Variants in SHPRH observed in about 807,000 individuals in gnomAD.
The protein encoded by SHPRH is E3 ubiquitin-protein ligase SHPRH.
A neutral mutation model predicts 202.5 loss-of-function variants in SHPRH; 106 were observed. The observed-to-expected ratio is 0.52, with a 90% CI of 0.45 to 0.62. The LOEUF is 0.62. SHPRH is among the 20% of genes least tolerant of loss of function. SHPRH has a pLI of 0.00. For missense variants in SHPRH, 1,710 were observed against 2,020.0 expected, an observed-to-expected ratio of 0.85 and a Z score of 2.94; for synonymous variants, 729 against 686.0, an observed-to-expected ratio of 1.06 and a Z score of -0.98.
In SHPRH at chr6:145,867,261, G is replaced by C. The variant is rs368610149; in HGVS notation, c.222-2770C>G. ...CTCAAGGTTCACAGGAAGGCAACTT[G>C]CATTCATTAGATGAGTATCCAAATT... On this transcript the variant is annotated intron_variant, in intron 2 of 2. Coordinates refer to the SHPRH transcript ENST00000417762. Among the ~76,000 whole-genome samples the C allele has an allele frequency of 1.3e-4, 20 of 152,116 alleles. No homozygotes were observed. The South Asian group carries it at 3.9e-3, about 30-fold the overall frequency.
intron 25 of SHPRH, among the ~76,000 whole-genome samples, chr6:145,898,246 T>G (rs1416846882): frequency 2.0e-5 from 3 of 152,046 alleles, no homozygotes; most frequent in African/African-American, 7.2e-5. Flanking sequence ...AAATATTTTA[T>G]AATGTCATAA....
chr6:145,954,211 A>C (rs1456664744), intron 2 of SHPRH, among the ~76,000 whole-genome samples: 2 of 152,062 alleles, frequency 1.3e-5, no homozygotes, highest in Non-Finnish European at 2.9e-5. Flanking sequence ...TGGAGAAAAT[A>C]AATCAATTTG....
chr6:145,905,768 G>C (rs2128729410), intron 25 of SHPRH: 1 of 152,072 alleles, frequency 6.6e-6, no homozygotes, highest in Middle Eastern at 3.4e-3. Flanking sequence ...AATGTATTCA[G>C]GGGATTCACA....
rs952932237 is a variant in SHPRH at position 145,884,964 on chromosome 6, G to T, written c.*1727C>A. On this transcript the variant is annotated 3_prime_UTR_variant, in exon 30 of 30. Transcript: ENST00000275233. ...TTTTCTCTAAAACATAGCTCAGAAA[G>T]GAATAGTAGAAAACAAACACAAAGA... The T allele has an allele frequency of 6.6e-6, 1 of 151,918 alleles. No individual in the cohort carries two copies. Among genetic ancestry groups the T allele is most frequent in the Non-Finnish European group, 1.5e-5 (1 of 67,954 alleles). 9.4% of individuals were successfully genotyped at this position (151,918 alleles called of 1,614,324 possible). A position where few individuals can be genotyped will look rare whatever the true frequency, so the allele number is the denominator to read the frequency against.
chr6:145,932,958 GAAAAATCCCC>G, intron 14 of SHPRH, 89 bp downstream of exon 14: 1 of 1,303,982 alleles, frequency 7.7e-7, no homozygotes, highest in Non-Finnish European at 1.0e-6. Flanking sequence ...CTTTTTGGGG[GAAAAATCCCC>G]CCCCCAAAAA....
chr6:145,955,303 C>T lies in SHPRH; in HGVS notation c.20G>A (p.Arg7His), dbSNP rs773082076. The T allele has an allele frequency of 4.1e-5, 65 of 1,597,290 alleles. No homozygotes were observed. Among genetic ancestry groups the T allele is most frequent in the Admixed American group, 6.7e-5 (4 of 59,646 alleles). Residue 7 changes from arginine to histidine, a missense_variant, in exon 2 of 30, where the codon CGT (arginine) becomes CAT (histidine). Arg to His is a conservative substitution (Grantham distance 29). Around this residue, in one of 8 missense-constraint regions of SHPRH, gnomAD observed 459 missense variants for 426.5 expected, o/e 1.08. Transcript: ENST00000275233. The stretch of plus-strand genomic sequence containing the variant: ...CTCATCTACCCTCACTGGAGGAGCA[C>T]GTTTCCGTCGGCTGCTCATTTTCAA... MSSRRK[R>H]APPVRVDEEK...
intron 2 of SHPRH, among the ~76,000 whole-genome samples, chr6:145,953,613 A>C (rs1021911578): frequency 6.6e-6 from 1 of 152,144 alleles, no homozygotes; most frequent in Non-Finnish European, 1.5e-5. Context: ...GATGCAAGAA[A>C]TATATGAGAC....
In SHPRH at chr6:145,954,919, T is replaced by C. The variant is rs1462650275; in HGVS notation, c.404A>G (p.Glu135Gly). 8 of 1,613,696 alleles carry C rather than the reference T, an allele frequency of 5.0e-6. No homozygotes were observed. Among genetic ancestry groups the C allele is most frequent in the Non-Finnish European group, 6.8e-6 (8 of 1,179,892 alleles). Residue 135 changes from glutamate to glycine, a missense_variant, in exon 2 of 30, where the codon GAA becomes GGA. Glu to Gly is a moderately conservative substitution (Grantham distance 98, BLOSUM62 -2). Around this residue, in one of 8 missense-constraint regions of SHPRH, gnomAD observed 459 missense variants for 426.5 expected, o/e 1.08. Transcript: ENST00000275233. ...PAQSLIENFS[E>G]RSITLMSSES... is the part of the protein sequence containing the mutation. ...TGAACTCATCAATGTAATACTCCTT[T>C]CGGAAAAATTTTCAATTAAACTCTG...
intron 1 of SHPRH, among the ~76,000 whole-genome samples, chr6:145,962,865 A>G (rs1789238227): frequency 6.6e-6 from 1 of 152,216 alleles, no homozygotes; most frequent in Non-Finnish European, 1.5e-5. Flanking sequence ...CAGCAAGGTG[A>G]GAGTATTTTC....
At chr6:145,889,671 T>G (rs1249886994) in intron 28 of SHPRH, among the ~76,000 whole-genome samples, 1 of 152,140 alleles carries the variant, frequency 6.6e-6, no homozygotes, top group African/African-American at 2.4e-5. Flanking sequence ...GGGGTTTCAT[T>G]CCTAAGATAT....
At chr6:145,934,821 T>C in intron 13 of SHPRH, 86 bp downstream of exon 13, 1 of 1,323,246 alleles carries the variant, frequency 7.6e-7, no homozygotes, top group Non-Finnish European at 1.0e-6. Context: ...ACAACTCAGT[T>C]ACATGTCTCT....
At chr6:145,957,247 T>A (rs1024740659) in intron 1 of SHPRH, among the ~76,000 whole-genome samples, 2 of 151,664 alleles carry the variant, frequency 1.3e-5, no homozygotes, top group African/African-American at 4.8e-5. Flanking sequence ...CTAAAACTTC[T>A]CAAAGAAAAC....
chr6:145,882,640 G>C (rs538362537), downstream of SHPRH, among the ~76,000 whole-genome samples: 9 of 152,274 alleles, frequency 5.9e-5, no homozygotes, highest in East Asian at 1.5e-3. Context: ...CTCAGTCAAT[G>C]GAAATTTTTA....
intron 14 of SHPRH, among the ~76,000 whole-genome samples, chr6:145,929,387 T>C (rs951832371): frequency 1.2e-4 from 18 of 152,054 alleles, no homozygotes; most frequent in Non-Finnish European, 1.9e-4. Flanking sequence ...TATGTATTAA[T>C]GTATCATACG....
rs964108139 is a variant in SHPRH, at chr6:145,885,029, C to G, written c.*1662G>C. The G allele has an allele frequency of 3.9e-5, 6 of 151,978 alleles. No individual in the cohort carries two copies. The highest frequency in any genetic ancestry group is 1.4e-4 in the African/African-American group (6 of 41,392). The allele number at this position is 151,978 out of a possible 1,614,324, so 9.4% of individuals were successfully genotyped here. ...CTCATTTTTAAATTATAAGCATGGG[C>G]CTTCTGAATCTCAGCATGACATGTT... is the stretch of plus-strand genomic sequence containing the variant. On this transcript the variant is annotated 3_prime_UTR_variant, in exon 30 of 30. Transcript: ENST00000275233.
intron 2 of SHPRH, among the ~76,000 whole-genome samples, chr6:145,870,762 T>C (rs1448719278): frequency 6.6e-6 from 1 of 152,228 alleles, no homozygotes; most frequent in African/African-American, 2.4e-5. Context: ...TTTCTCACCA[T>C]TAAATATGAT....
chr6:145,947,412 G>A, intron 6 of SHPRH, 81 bp downstream of exon 6: 1 of 1,468,150 alleles, frequency 6.8e-7, no homozygotes, highest in Non-Finnish European at 9.2e-7. Flanking sequence ...GTTGACTTAA[G>A]TGCCAAGCAA....
intron 1 of SHPRH, among the ~76,000 whole-genome samples, chr6:145,957,039 C>T (rs1788575229): frequency 1.3e-5 from 2 of 152,008 alleles, no homozygotes; most frequent in Non-Finnish European, 2.9e-5. Context: ...GGTGTAAAGA[C>T]CAACATATAG....
chr6:145,960,676 A>T (rs555293902), intron 1 of SHPRH, among the ~76,000 whole-genome samples: 2 of 152,326 alleles, frequency 1.3e-5, no homozygotes, highest in East Asian at 3.9e-4. Context: ...TCTCATCTCT[A>T]AAATGGGGAT....
Sources: allele counts gnomAD v4.1 joint callset (sites outside exome capture counted in the v4.1 genomes callset), GRCh38; gene constraint gnomAD v4.1.1; regional missense constraint gnomAD v4.1.1; transcripts MANE v1.5; gene names NCBI Gene and HGNC (gene_info 2026-07-23, HGNC 2026-07-21).